Variants in PPIP5K1 observed in about 807,000 individuals in gnomAD.
The protein encoded by PPIP5K1 is diphosphoinositol pentakisphosphate kinase 1, also known as inositol hexakisphosphate and diphosphoinositol-pentakisphosphate kinase 1.
In PPIP5K1, 6 loss-of-function variants were observed where a neutral mutation model predicts 27.7. The observed-to-expected ratio is 0.22, with a 90% CI of 0.12 to 0.43. The LOEUF is 0.43. PPIP5K1 is among the 20% of genes least tolerant of loss of function. The pLI, the probability that PPIP5K1 is intolerant of heterozygous loss-of-function variation, is 1.00. For missense variants in PPIP5K1, 394 were observed against 635.4 expected (o/e 0.62, Z 4.08); for synonymous variants, 145 against 242.6 (o/e 0.60, Z 3.74).
At chr15:43,550,689 C>G (rs1257398117) in intron 30 of PPIP5K1, among the ~76,000 whole-genome samples, 4 of 152,038 alleles carry the variant, frequency 2.6e-5, no homozygotes, top group African/African-American at 9.7e-5. Flanking sequence ...TGTTCCAAAT[C>G]TTAGAGGGAA....
chr15:43,535,814 C>CTTCCACTGGG (rs1359658496), intron 31 of PPIP5K1, among the ~76,000 whole-genome samples: 1 of 152,182 alleles, frequency 6.6e-6, no homozygotes, highest in Non-Finnish European at 1.5e-5. Context: ...CATATGAATA[C>CTTCCACTGGG]TTTAGCCCAG....
chr15:43,555,864 T>C (rs539114627), intron 30 of PPIP5K1, among the ~76,000 whole-genome samples: 3 of 146,450 alleles, frequency 2.0e-5, no homozygotes, highest in Non-Finnish European at 4.5e-5. Context: ...CCTTGGCCTC[T>C]CAAAGTGTTA....
chr15:43,558,932 C>A lies in PPIP5K1; in HGVS notation c.3419G>T (p.Gly1140Val), dbSNP rs2083411966. 1 of 1,613,092 alleles carries A rather than the reference C, an allele frequency of 6.2e-7. No individual in the cohort carries two copies. Among genetic ancestry groups the A allele is most frequent in the Admixed American group, 1.7e-5 (1 of 59,996 alleles). Residue 1140 changes from glycine to valine, a missense_variant and splice_region_variant, in exon 30 of 32, where the codon GGG (glycine) becomes GTG (valine). This residue lies in a region of PPIP5K1 where 5 missense variants were observed against 20.3 expected (regional missense o/e 0.25). Transcript: ENST00000420765. ...AGGCACCATGGAACACCCTTCAAACCCTGTTTGAAAAGAGATGGGCAAAGT... is the reference window on the plus strand; with the variant it reads ...AGGCACCATGGAACACCCTTCAAACACTGTTTGAAAAGAGATGGGCAAAGT... Reference protein sequence around the residue: ...SGQDDPECLYGFEGCSMVPTI... With the variant: ...SGQDDPECLYVFEGCSMVPTI...
chr15:43,553,143 A>C lies in PPIP5K1; in HGVS notation c.3556+5652T>G, dbSNP rs138535713. Among the ~76,000 whole-genome samples, 461 of 152,342 alleles carry C rather than the reference A, an allele frequency of 3.0e-3. 3 individuals carry two copies. The highest frequency in any genetic ancestry group is 5.6e-3 in the Non-Finnish European group (383 of 68,026). ...AGCATCATTCCATTGTGGTTGGAGAAGGTCTTTTGTATGACTTCAACTTTT... is the reference window on the plus strand; with the variant it reads ...AGCATCATTCCATTGTGGTTGGAGACGGTCTTTTGTATGACTTCAACTTTT... On this transcript the variant is annotated intron_variant, in intron 30 of 31. Transcript: ENST00000420765.
At chr15:43,537,484 T>C in intron 31 of PPIP5K1, 1 of 188,056 alleles carries the variant, frequency 5.3e-6, no homozygotes, top group Non-Finnish European at 1.1e-5. Flanking sequence ...AGATCAGGAG[T>C]TCGAAACCAG....
At chr15:43,541,522 G>C (rs1034489077) in intron 30 of PPIP5K1, among the ~76,000 whole-genome samples, 2 of 152,108 alleles carry the variant, frequency 1.3e-5, no homozygotes, top group Non-Finnish European at 2.9e-5. Context: ...TTCAAGACCA[G>C]CCTGGCCAAT....
At chr15:43,561,575 T>C (rs1371688466) in intron 28 of PPIP5K1, among the ~76,000 whole-genome samples, 1 of 78,696 alleles carries the variant, frequency 1.3e-5, no homozygotes, top group East Asian at 4.4e-4. Flanking sequence ...TCTTAAGACA[T>C]GATGTGAGGA....
chr15:43,557,049 G>T (rs1012735068), intron 30 of PPIP5K1, among the ~76,000 whole-genome samples: 1 of 152,128 alleles, frequency 6.6e-6, no homozygotes, highest in African/African-American at 2.4e-5. Context: ...TAATTTTTAC[G>T]TTTAGATTTC....
chr15:43,534,561 TG>T lies in PPIP5K1; in HGVS notation c.*112del. On this transcript the variant is annotated 3_prime_UTR_variant, in exon 32 of 32. Coordinates refer to ENST00000420765, the MANE Select transcript of PPIP5K1 (RefSeq NM_001394395.1). ...TGTTGCTGGTGGAAGGGGTGAGTGC[TG>T]GTCATGGGCTAGAGACTGGCTCTGA... The T allele has an allele frequency of 1.1e-6, 1 of 916,158 alleles. No individual in the cohort carries two copies. The highest frequency in any genetic ancestry group is 1.6e-6 in the Non-Finnish European group (1 of 615,728). The allele number at this position is 916,158 out of a possible 1,614,324, so 56.8% of individuals were successfully genotyped here.
intron 11 of PPIP5K1, among the ~76,000 whole-genome samples, chr15:43,578,535 CAAAAAAAAAAAAA>C (rs150737493): frequency 6.8e-5 from 2 of 29,606 alleles, no homozygotes; most frequent in Non-Finnish European, 8.6e-5. Context: ...GATCCTGTCG[CAAAAAAAAAAAAA>C]AAAAAAAAAA....
intron 30 of PPIP5K1, among the ~76,000 whole-genome samples, chr15:43,555,891 C>A (rs1473380149): frequency 6.6e-6 from 1 of 152,172 alleles, no homozygotes; most frequent in African/African-American, 2.4e-5. Context: ...CAGGCGTGAG[C>A]CACCATGCCT....
In PPIP5K1 at chr15:43,535,246, G is replaced by T. The variant is rs780372934; in HGVS notation, c.3901C>A (p.Pro1301Thr). 1 of 1,614,084 alleles carries T rather than the reference G, an allele frequency of 6.2e-7. No homozygotes were observed. Among genetic ancestry groups the T allele is most frequent in the Non-Finnish European group, 8.5e-7 (1 of 1,180,034 alleles). ...FEPNQSPQVP[P>T]METSQPYEEV... ...TCGTATGGCTGGCTGGTTTCCATAG[G>T]TGGCACCTGTGGGGACTGATTTGGT... Residue 1301 changes from proline to threonine, a missense_variant, in exon 32 of 32, where the codon CCT becomes ACT. This residue lies in a region of PPIP5K1 where 379 missense variants were observed against 423.9 expected (regional missense o/e 0.89). Coordinates refer to ENST00000420765, the MANE Select transcript of PPIP5K1 (RefSeq NM_001394395.1).
chr15:43,567,240 C>T, intron 26 of PPIP5K1, among the ~76,000 whole-genome samples: 1 of 39,206 alleles, frequency 2.6e-5, no homozygotes, highest in South Asian at 1.2e-3. Flanking sequence ...TCTCAACCTC[C>T]CAAGTAGCTG....
chr15:43,549,933 T>G (rs1276933265), intron 30 of PPIP5K1, among the ~76,000 whole-genome samples: 27 of 152,278 alleles, frequency 1.8e-4, no homozygotes, highest in Non-Finnish European at 8.8e-5. Context: ...ATGGCACAAC[T>G]ACACTCAAGC....
At chr15:43,556,191 G>C (rs556508546) in intron 30 of PPIP5K1, among the ~76,000 whole-genome samples, 1 of 151,974 alleles carries the variant, frequency 6.6e-6, no homozygotes, top group Non-Finnish European at 1.5e-5. Flanking sequence ...GTGGTGGTGC[G>C]CACCTGTAGT....
chr15:43,534,187 CCT>C lies in PPIP5K1; in HGVS notation c.*485_*486del, dbSNP rs2079549908. ...CAGAAAAGTGAAGACCCTAGAGTCCCCTCTTTTGCATTTGCTGTCGCCAGATG... is the reference window on the plus strand; with the variant it reads ...CAGAAAAGTGAAGACCCTAGAGTCCCCTTTTGCATTTGCTGTCGCCAGATG... On this transcript the variant is annotated 3_prime_UTR_variant, in exon 32 of 32. Transcript: ENST00000420765. 1 of 153,754 alleles carries C rather than the reference CCT, an allele frequency of 6.5e-6. No individual in the cohort carries two copies. Among genetic ancestry groups the C allele is most frequent in the Admixed American group, 6.5e-5 (1 of 15,350 alleles). 9.5% of individuals were successfully genotyped at this position (153,754 alleles called of 1,614,324 possible).
At chr15:43,586,192 C>CA (rs1214288453) in intron 1 of PPIP5K1, among the ~76,000 whole-genome samples, 44 of 1,380 alleles carry the variant, frequency 0.032, 2 homozygotes, top group South Asian at 0.1. Context: ...GACTCCGTCT[C>CA]AAAAAAAAAA....
chr15:43,549,058 T>A (rs8042585), intron 30 of PPIP5K1, among the ~76,000 whole-genome samples: 3,000 of 36,502 alleles, frequency 0.082, 86 homozygotes, highest in Non-Finnish European at 0.1. Flanking sequence ...AAAAAAAAAA[T>A]ATATATATAT....
chr15:43,545,238 C>T (rs896567079), intron 30 of PPIP5K1, among the ~76,000 whole-genome samples: 2 of 151,534 alleles, frequency 1.3e-5, no homozygotes, highest in Non-Finnish European at 2.9e-5. Flanking sequence ...CTGTGAGATA[C>T]TACAAAATGT....
Sources: gnomAD v4.1 joint callset for allele counts (sites outside exome capture counted in the v4.1 genomes callset) on GRCh38, gnomAD v4.1.1 for gene constraint, gnomAD v4.1.1 regional missense constraint, MANE v1.5 for transcripts, NCBI Gene and HGNC (gene_info 2026-07-23, HGNC 2026-07-21) for gene names.